CAMKMT: variants seen among roughly 807,000 people sequenced by gnomAD.
CAMKMT encodes the protein CaM KMT.
CAMKMT carries 53 observed loss-of-function variants against 48.0 expected under a neutral mutation model. The observed-to-expected ratio is 1.10, with a 90% confidence interval of 0.89 to 1.39. The LOEUF (loss-of-function observed/expected upper bound fraction) is 1.39. Among genes scored for constraint, CAMKMT ranks in the 40% most tolerant of loss-of-function variants. The pLI is 0.00. For missense variants in CAMKMT, 428 were observed against 402.7 expected (o/e 1.06, Z -0.54); for synonymous variants, 165 against 152.3 (o/e 1.08, Z -0.61).
At chr2:44,455,532 A>G (rs951606795) in intron 3 of CAMKMT, among the ~76,000 whole-genome samples, 4 of 152,184 alleles carry the variant, frequency 2.6e-5, no homozygotes, top group African/African-American at 7.2e-5. Flanking sequence ...ATATGGTCTA[A>G]TGAAGCATAC....
At chr2:44,639,037 T>C (rs1320348570) in intron 3 of CAMKMT, among the ~76,000 whole-genome samples, 1 of 152,206 alleles carries the variant, frequency 6.6e-6, no homozygotes, top group African/African-American at 2.4e-5. Context: ...CTGAGTTACA[T>C]CGATTTCCTT....
At chr2:44,609,515 T>C (rs1462174657) in intron 3 of CAMKMT, among the ~76,000 whole-genome samples, 1 of 152,222 alleles carries the variant, frequency 6.6e-6, no homozygotes, top group Non-Finnish European at 1.5e-5. Flanking sequence ...TATTAAGTTA[T>C]GCCACATGTG....
At chr2:44,585,993 G>A (rs1669836343) in intron 3 of CAMKMT, among the ~76,000 whole-genome samples, 1 of 152,072 alleles carries the variant, frequency 6.6e-6, no homozygotes, top group Admixed American at 6.5e-5. Context: ...GAAGCTAGAG[G>A]GTCCAGAGAA....
intron 3 of CAMKMT, among the ~76,000 whole-genome samples, chr2:44,652,640 C>T (rs749124411): frequency 2.6e-5 from 4 of 152,196 alleles, no homozygotes; most frequent in South Asian, 2.1e-4. Flanking sequence ...CATGCACACA[C>T]GTGCGTACAG....
intron 3 of CAMKMT, among the ~76,000 whole-genome samples, chr2:44,504,550 T>G (rs772651143): frequency 1.3e-5 from 2 of 152,186 alleles, no homozygotes; most frequent in South Asian, 2.1e-4. Context: ...GCCTAGGGGT[T>G]TGTTCAATTT....
At chr2:44,703,019 A>G (rs571693453) in intron 3 of CAMKMT, among the ~76,000 whole-genome samples, 1 of 152,144 alleles carries the variant, frequency 6.6e-6, no homozygotes, top group South Asian at 2.1e-4. Flanking sequence ...TGAGTCAGAG[A>G]ACATTTGCCA....
At chr2:44,741,321 G>C (rs1679664717) in intron 7 of CAMKMT, among the ~76,000 whole-genome samples, 1 of 152,186 alleles carries the variant, frequency 6.6e-6, no homozygotes, top group Non-Finnish European at 1.5e-5. Context: ...AGTGAACAGT[G>C]AACTCACCAT....
At chr2:44,476,003 T>C (rs1668670674) in intron 3 of CAMKMT, among the ~76,000 whole-genome samples, 1 of 152,242 alleles carries the variant, frequency 6.6e-6, no homozygotes, top group Non-Finnish European at 1.5e-5. Flanking sequence ...TTGCATTTGA[T>C]TTTTGTGTGA....
At chr2:44,469,905 T>A (rs998925745) in intron 3 of CAMKMT, among the ~76,000 whole-genome samples, 1 of 151,986 alleles carries the variant, frequency 6.6e-6, no homozygotes, top group African/African-American at 2.4e-5. Context: ...TTTTTTTGCA[T>A]TTTATCACCT....
At chr2:44,570,236 A>C (rs1668835394) in intron 3 of CAMKMT, among the ~76,000 whole-genome samples, 1 of 152,124 alleles carries the variant, frequency 6.6e-6, no homozygotes, top group South Asian at 2.1e-4. Context: ...GTTTCTTTAA[A>C]CTCTATTCAA....
chr2:44,386,921 G>A (rs1390399716), intron 2 of CAMKMT, among the ~76,000 whole-genome samples: 3 of 152,026 alleles, frequency 2.0e-5, no homozygotes, highest in East Asian at 1.9e-4. Context: ...ATTTAGGCTC[G>A]TTTTATGGCC....
Position 44,518,874 on chromosome 2 carries a change from G to A in CAMKMT, c.376+128569G>A, listed in dbSNP as rs1670961862. ...GTCATGCTGAAGAGACAATGCTGAA[G>A]TGTTGAAGGTTGAATGTTAAAAGGG... On this transcript the variant is annotated intron_variant, in intron 3 of 10. Transcript: ENST00000378494. 2.6e-5 allele frequency among the ~76,000 whole-genome samples: 4 copies of A among 152,312 alleles called. No homozygotes were observed. In the South Asian group the frequency reaches 8.3e-4, roughly 32 times the overall value.
chr2:44,590,757 A>G (rs1670214072), intron 3 of CAMKMT, among the ~76,000 whole-genome samples: 1 of 152,012 alleles, frequency 6.6e-6, no homozygotes. Context: ...CTTTAGTTTA[A>G]TGAGATCCCA....
chr2:44,574,803 C>T (rs956991548), intron 3 of CAMKMT, among the ~76,000 whole-genome samples: 5 of 152,088 alleles, frequency 3.3e-5, no homozygotes, highest in Non-Finnish European at 7.4e-5. Flanking sequence ...TGCAGTGGCG[C>T]GGTCTCGGCT....
chr2:44,599,304 T>C (rs190412865), intron 3 of CAMKMT, among the ~76,000 whole-genome samples: 10 of 152,144 alleles, frequency 6.6e-5, no homozygotes, highest in African/African-American at 2.4e-4. Context: ...CAAAACTAGA[T>C]TATATCTGTC....
At chr2:44,668,192 A>T (rs1366322503) in intron 3 of CAMKMT, among the ~76,000 whole-genome samples, 1 of 152,138 alleles carries the variant, frequency 6.6e-6, no homozygotes, top group East Asian at 1.9e-4. Context: ...TGCATTGAGG[A>T]AACAGAAGCA....
chr2:44,500,948 C>T (rs113975897), intron 3 of CAMKMT, among the ~76,000 whole-genome samples: 1,891 of 152,072 alleles, frequency 0.012, 41 homozygotes, highest in African/African-American at 0.043. Flanking sequence ...TCCCAAATTG[C>T]TGTGATTACA....
At chr2:44,700,829 C>T (rs2104255855) in intron 3 of CAMKMT, among the ~76,000 whole-genome samples, 1 of 152,228 alleles carries the variant, frequency 6.6e-6, no homozygotes, top group South Asian at 2.1e-4. Context: ...AATGGACTTG[C>T]TCGGTGCAGG....
intron 3 of CAMKMT, among the ~76,000 whole-genome samples, chr2:44,459,323 C>G (rs984787550): frequency 2.6e-5 from 4 of 152,106 alleles, no homozygotes; most frequent in African/African-American, 9.7e-5. Flanking sequence ...TATACACAAA[C>G]CCATTACAGG....
Sources: allele counts gnomAD v4.1 joint callset (sites outside exome capture counted in the v4.1 genomes callset), GRCh38; gene constraint gnomAD v4.1.1; transcripts MANE v1.5; gene names NCBI Gene and HGNC (gene_info 2026-07-23, HGNC 2026-07-21).